The following MKRN2 variants were observed in gnomAD, a reference collection of about 807,000 sequenced individuals.
MKRN2 encodes makorin ring finger protein 2.
A neutral mutation model predicts 45.4 loss-of-function variants in MKRN2; 32 were observed. The ratio of observed to expected loss-of-function variants is 0.70; its 90% CI spans 0.53 to 0.95. The LOEUF is 0.95. Ranked by LOEUF, MKRN2 falls within the 40% of genes least tolerant of loss-of-function variation. The probability of loss-of-function intolerance (pLI) is 0.00; values close to 1 mark genes in which losing one functional copy is unlikely to be tolerated. For synonymous variants in MKRN2, 206 were observed against 192.4 expected (o/e 1.07, Z -0.59); for missense variants, 526 against 536.7 (o/e 0.98, Z 0.20).
intron 6 of MKRN2, among the ~76,000 whole-genome samples, chr3:12,577,820 C>G (rs1487652598): frequency 6.6e-6 from 1 of 152,098 alleles, no homozygotes; most frequent in East Asian, 1.9e-4. Context: ...GGATTACAGG[C>G]ATGCACCACT....
chr3:12,583,673 G>C lies in MKRN2; in HGVS notation c.*1420G>C, dbSNP rs1461713213. 3 of 233,120 alleles carry C rather than the reference G, an allele frequency of 1.3e-5. No individual in the cohort carries two copies. The highest frequency in any genetic ancestry group is 2.5e-5 in the Non-Finnish European group (3 of 117,986). The allele number at this position is 233,120 out of a possible 1,614,324, so 14.4% of individuals were successfully genotyped here. On this transcript the variant is annotated 3_prime_UTR_variant, in exon 8 of 8. Coordinates refer to ENST00000170447, the MANE Select transcript of MKRN2 (RefSeq NM_014160.5). ...CCATCAGATAACTGTATTTTGTCAG[G>C]TGCAATAAAAACAAAATTAAAACCC...
rs1453682107 is a variant in MKRN2 at position 12,568,979 on chromosome 3, A to G, written c.131A>G (p.Tyr44Cys). The G allele has an allele frequency of 8.1e-6, 13 of 1,614,030 alleles. No individual in the cohort carries two copies. Among genetic ancestry groups the G allele is most frequent in the Non-Finnish European group, 1.1e-5 (13 of 1,180,042 alleles). ...STICKYYQKG[Y>C]CAYGTRCRYD... is the part of the protein sequence containing the mutation. ...ATCTGCAAGTACTACCAGAAGGGCT[A>G]CTGTGCCTATGGAACTCGGTGCAGG... The change falls in exon 2 of 8, where the codon TAC becomes TGC. Residue 44 changes from tyrosine to cysteine, a missense_variant. By Grantham distance (194) the Tyr-to-Cys change is radical. Transcript: ENST00000170447.
chr3:12,580,915 A>G (rs2058173423), intron 6 of MKRN2, among the ~76,000 whole-genome samples: 1 of 152,184 alleles, frequency 6.6e-6, no homozygotes, highest in Admixed American at 6.5e-5. Context: ...TGCCCCTGAC[A>G]GCAGCGTGCC....
chr3:12,578,312 C>CTTTTT (rs71063833), intron 6 of MKRN2, among the ~76,000 whole-genome samples: 49 of 71,746 alleles, frequency 6.8e-4, no homozygotes, highest in African/African-American at 2.2e-3. Context: ...AGAGCTACTT[C>CTTTTT]TTTTTTTTTT....
chr3:12,562,698 C>T (rs1184931600), intron 1 of MKRN2, among the ~76,000 whole-genome samples: 1 of 152,072 alleles, frequency 6.6e-6, no homozygotes, highest in East Asian at 1.9e-4. Context: ...AGCTCCACCT[C>T]CTGTCAGATC....
chr3:12,570,014 G>A, intron 2 of MKRN2, 57 bp from the exon 3 acceptor site: 1 of 1,489,614 alleles, frequency 6.7e-7, no homozygotes, highest in East Asian at 2.3e-5. Context: ...TCTGGGGAGT[G>A]TGGGAGATGT....
In MKRN2 at chr3:12,582,148, C is replaced by G; in HGVS notation, c.1146C>G (p.Ile382Met). 6.2e-7 allele frequency: 1 copy of G among 1,614,120 alleles called. No individual in the cohort carries two copies. The part of the protein sequence containing the change: ...FFNSVRLWDF[I>M]ENRESRHVPN... ...ATTCAGTGCGGCTCTGGGATTTCAT[C>G]GAGAACCGAGAAAGCCGGCATGTCC... Residue 382 changes from isoleucine to methionine, a missense_variant, in exon 8 of 8, where the codon ATC becomes ATG. Coordinates refer to ENST00000170447, the MANE Select transcript of MKRN2 (RefSeq NM_014160.5).
chr3:12,580,186 A>G lies in MKRN2; in HGVS notation c.969-1622A>G, dbSNP rs143580457. Reference sequence around the variant, plus strand: ...TGACCAGATAAGCCTGGGGGAGGAAAAAGAGTAATATTCTTGTGAGAGTGG... The same window carrying G: ...TGACCAGATAAGCCTGGGGGAGGAAGAAGAGTAATATTCTTGTGAGAGTGG... On this transcript the variant is annotated intron_variant, in intron 6 of 7. Transcript: ENST00000170447. 7.0e-3 allele frequency among the ~76,000 whole-genome samples: 1,059 copies of G among 152,322 alleles called. 6 individuals carry two copies. The highest frequency in any genetic ancestry group is 0.024 in the African/African-American group (998 of 41,556).
intron 3 of MKRN2, among the ~76,000 whole-genome samples, chr3:12,570,885 A>G (rs1007716255): frequency 7.0e-6 from 1 of 141,880 alleles, no homozygotes; most frequent in African/African-American, 2.8e-5. Context: ...CTCCCTCTCA[A>G]AAAAAAAAAA....
intron 3 of MKRN2, among the ~76,000 whole-genome samples, chr3:12,571,843 ATTTTTGTTTTTTGT>A (rs542110285): frequency 6.6e-6 from 1 of 150,924 alleles, no homozygotes; most frequent in African/African-American, 2.4e-5. Context: ...CTGTCTTGCC[ATTTTTGTTTTTTGT>A]TTTTTGTTTT....
intron 1 of MKRN2, among the ~76,000 whole-genome samples, chr3:12,564,253 T>C (rs1224588016): frequency 6.6e-6 from 1 of 152,192 alleles, no homozygotes; most frequent in African/African-American, 2.4e-5. Context: ...GCCTGAATTA[T>C]TTTGTGTCTA....
intron 6 of MKRN2, among the ~76,000 whole-genome samples, chr3:12,580,217 C>T (rs907708927): frequency 1.3e-5 from 2 of 152,134 alleles, no homozygotes; most frequent in Non-Finnish European, 2.9e-5. Flanking sequence ...AGTGGGGGAC[C>T]AGTATATAAT....
At chr3:12,571,549 A>T (rs777133255) in intron 3 of MKRN2, among the ~76,000 whole-genome samples, 9 of 152,178 alleles carry the variant, frequency 5.9e-5, no homozygotes, top group Admixed American at 1.3e-4. Context: ...ACAAGCTCGG[A>T]GGTGTGCAGT....
At position 12,572,241 on chromosome 3, in the gene MKRN2, G is replaced by A. The variant is rs746815930; in HGVS notation, c.510G>A (p.Leu170=). 1.9e-5 allele frequency: 30 copies of A among 1,614,168 alleles called. No individual in the cohort carries two copies. Among genetic ancestry groups the A allele is most frequent in the Admixed American group, 3.3e-5 (2 of 60,014 alleles). The change falls in exon 4 of 8, where the codon CTG becomes CTA. Residue 170 remains leucine, a synonymous_variant. Coordinates refer to ENST00000170447, the MANE Select transcript of MKRN2 (RefSeq NM_014160.5). ...GCTCCTACAGCAACGAGCAGCAGCTGTGCCCCTACGCAGCTGCTGGGGAGT... is the reference window on the plus strand; with the variant it reads ...GCTCCTACAGCAACGAGCAGCAGCTATGCCCCTACGCAGCTGCTGGGGAGT... ...ASSSYSNEQQ[L]CPYAAAGECR... is the part of the protein sequence containing the mutation.
At position 12,570,229 on chromosome 3, in the gene MKRN2, G is replaced by A; in HGVS notation, c.314G>A (p.Arg105Lys). ...NSHEPGKREKRTLVLRDRNLS... is the reference protein window; with the variant it reads ...NSHEPGKREKKTLVLRDRNLS... Reference sequence around the variant, plus strand: ...CATGAACCCGGAAAGCGTGAAAAGAGAACATTGGTTCTTAGAGACCGAAGT... The same window carrying A: ...CATGAACCCGGAAAGCGTGAAAAGAAAACATTGGTTCTTAGAGACCGAAGT... The change falls in exon 3 of 8, where the codon AGA becomes AAA. Residue 105 changes from arginine (R) to lysine (K), a missense_variant. Transcript: ENST00000170447. 6.2e-7 allele frequency: 1 copy of A among 1,614,050 alleles called. No individual in the cohort carries two copies.
At chr3:12,575,857 C>G (rs1041770826) in intron 5 of MKRN2, among the ~76,000 whole-genome samples, 8 of 152,180 alleles carry the variant, frequency 5.3e-5, no homozygotes, top group Non-Finnish European at 1.0e-4. Flanking sequence ...GCCAGAGTCC[C>G]CTTCTCCTGG....
chr3:12,558,470 G>T (rs943980213), intron 1 of MKRN2, among the ~76,000 whole-genome samples: 1 of 152,082 alleles, frequency 6.6e-6, no homozygotes, highest in Non-Finnish European at 1.5e-5. Context: ...TCCTCCCCTC[G>T]CTCTATGGTT....
Position 12,570,054 on chromosome 3 carries a change from C to T in MKRN2, c.156-17C>T. ...GGGTGGCATGTCTGTAATGCATCTGCTGTGTGTTTTGTTTAGATATGACCA... is the reference window on the plus strand; with the variant it reads ...GGGTGGCATGTCTGTAATGCATCTGTTGTGTGTTTTGTTTAGATATGACCA... On this transcript the variant is annotated splice_polypyrimidine_tract_variant and intron_variant, in intron 2 of 7. Transcript: ENST00000170447. 2 of 1,585,206 alleles carry T rather than the reference C, an allele frequency of 1.3e-6. No homozygotes were observed. The highest frequency in any genetic ancestry group is 1.3e-5 in the African/African-American group (1 of 74,208).
At chr3:12,569,534 G>A (rs185175335) in intron 2 of MKRN2, among the ~76,000 whole-genome samples, 23 of 152,176 alleles carry the variant, frequency 1.5e-4, no homozygotes, top group African/African-American at 4.3e-4. Context: ...ACACAATTCC[G>A]GAAACTTGTT....
Sources: gnomAD v4.1 joint callset for allele counts (sites outside exome capture counted in the v4.1 genomes callset) on GRCh38, gnomAD v4.1.1 for gene constraint, MANE v1.5 for transcripts, NCBI Gene and HGNC (gene_info 2026-07-23, HGNC 2026-07-21) for gene names.